ANKMY1: variants seen among roughly 807,000 people sequenced by gnomAD.
ANKMY1 encodes ankyrin repeat and MYND domain-containing protein 1.
ANKMY1 carries 98 observed loss-of-function variants against 102.0 expected under a neutral mutation model. That is an observed-to-expected ratio of 0.96 (90% CI 0.82 to 1.14). The LOEUF is 1.14. Among genes scored for constraint, ANKMY1 ranks in the 50% most tolerant of loss-of-function variants. ANKMY1 has a pLI of 0.00. For missense variants in ANKMY1, 1,330 were observed against 1,347.6 expected, an observed-to-expected ratio of 0.99 and a Z score of 0.20; for synonymous variants, 582 against 559.9, an observed-to-expected ratio of 1.04 and a Z score of -0.56.
chr2:240,524,740 T>C (rs2083010744), intron 7 of ANKMY1, among the ~76,000 whole-genome samples: 2 of 152,258 alleles, frequency 1.3e-5, no homozygotes, highest in Admixed American at 1.3e-4. Flanking sequence ...ACCAAAATGA[T>C]AGGATTTTTA....
chr2:240,480,392 G>A (rs994827598), intron 17 of ANKMY1, among the ~76,000 whole-genome samples: 1 of 152,244 alleles, frequency 6.6e-6, no homozygotes, highest in Non-Finnish European at 1.5e-5. Context: ...CCACCCTTGC[G>A]GCACCGGGCC....
chr2:240,520,491 C>G lies in ANKMY1; in HGVS notation c.1875G>C (p.Arg625=). ...CGCAGCACAGGTTGGGGTCCGCGCC[C>G]CGGCGCAGCAGCAGCTTGATGGTCC... is the stretch of plus-strand genomic sequence containing the variant. The part of the protein sequence containing the change: ...RWRTIKLLLR[R]GADPNLCCVP... Residue 625 remains arginine (R), a synonymous_variant, in exon 9 of 18, where the codon CGG becomes CGC. Coordinates refer to ENST00000401804, the MANE Select transcript of ANKMY1 (RefSeq NM_001282771.3). This position sits in a 1 kb window ranked among gnomAD's most constrained non-coding sequence, Gnocchi z 4.8. The G allele has an allele frequency of 6.2e-7, 1 of 1,613,294 alleles. No individual in the cohort carries two copies. Among genetic ancestry groups the G allele is most frequent in the Non-Finnish European group, 8.5e-7 (1 of 1,179,720 alleles).
Position 240,507,794 on chromosome 2 carries a change from A to AG in ANKMY1, c.2395-104dup, listed in dbSNP as rs547454133. On this transcript the variant is annotated intron_variant, in intron 12 of 17. Coordinates refer to ENST00000401804, the MANE Select transcript of ANKMY1 (RefSeq NM_001282771.3). ...CACTCCAGAACTAACCCCTGAAAGC[A>AG]GGGGCTTCACGGAGGCCACCGCTGG... 1.2e-4 allele frequency: 167 copies of AG among 1,394,424 alleles called. No individual in the cohort carries two copies. In the African/African-American group the frequency reaches 2.3e-3, roughly 19 times the overall value. The allele number at this position is 1,394,424 out of a possible 1,614,324, so 86.4% of individuals were successfully genotyped here.
At chr2:240,530,479 TC>T (rs2085074727) in intron 4 of ANKMY1, among the ~76,000 whole-genome samples, 1 of 152,130 alleles carries the variant, frequency 6.6e-6, no homozygotes, top group Non-Finnish European at 1.5e-5. Flanking sequence ...TTGCTCCTGC[TC>T]CCACCACATG....
chr2:240,490,855 T>C (rs956448441), intron 15 of ANKMY1, among the ~76,000 whole-genome samples: 3 of 152,196 alleles, frequency 2.0e-5, no homozygotes, highest in Non-Finnish European at 2.9e-5. Context: ...TTTGGTCTGA[T>C]GTCCTGTTTC....
chr2:240,508,206 C>T (rs1345848913), intron 12 of ANKMY1, among the ~76,000 whole-genome samples: 2 of 152,258 alleles, frequency 1.3e-5, no homozygotes, highest in African/African-American at 4.8e-5. Flanking sequence ...TCAGATTCCA[C>T]CCAGGAAGAA....
chr2:240,482,977 C>T (rs939025522), intron 15 of ANKMY1, among the ~76,000 whole-genome samples: 3 of 152,182 alleles, frequency 2.0e-5, no homozygotes, highest in Admixed American at 1.3e-4. Context: ...TGATTAGGTG[C>T]ATATGGGTTT....
At chr2:240,535,011 T>C (rs57491973) in intron 4 of ANKMY1, among the ~76,000 whole-genome samples, 18,587 of 152,200 alleles carry the variant, frequency 0.12, 1,226 homozygotes, top group Middle Eastern at 0.17. Context: ...AGGCAAAGGA[T>C]TGCTTGAGCC....
At chr2:240,505,234 G>C (rs1485037848) in intron 13 of ANKMY1, among the ~76,000 whole-genome samples, 1 of 151,976 alleles carries the variant, frequency 6.6e-6, no homozygotes, top group East Asian at 1.9e-4. Flanking sequence ...GGCTGAGGCG[G>C]GCGGATCACC....
At position 240,525,823 on chromosome 2, in the gene ANKMY1, G is replaced by A. The variant is rs770743122; in HGVS notation, c.1197C>T (p.Asn399=). ...CGTCGGCCCCACAGTCCAGGAGAAGGTTGACAATGTCGTTGTGGCAGTGAG... is the reference window on the plus strand; with the variant it reads ...CGTCGGCCCCACAGTCCAGGAGAAGATTGACAATGTCGTTGTGGCAGTGAG... ...AATHCHNDIV[N]LLLDCGADVN... is the part of the protein sequence containing the mutation. Residue 399 remains asparagine (N), a synonymous_variant, in exon 7 of 18, where the codon AAC becomes AAT. Coordinates refer to ENST00000401804, the MANE Select transcript of ANKMY1 (RefSeq NM_001282771.3). The A allele has an allele frequency of 6.2e-6, 10 of 1,614,106 alleles. No homozygotes were observed. In the South Asian group the frequency reaches 1.1e-4, roughly 18 times the overall value.
chr2:240,527,111 G>A, intron 5 of ANKMY1: 1 of 610,204 alleles, frequency 1.6e-6, no homozygotes, highest in Non-Finnish European at 2.0e-6. Context: ...TGGATGGGTG[G>A]GTGGGAAGAT....
At chr2:240,468,795 G>A in the ANKMY1 span, among the ~76,000 whole-genome samples, 3 of 152,180 alleles carry the variant, frequency 2.0e-5, no homozygotes, top group Non-Finnish European at 4.4e-5. Context: ...CAGAGGGGTG[G>A]GTGGGCACCC....
At chr2:240,523,383 T>A in intron 8 of ANKMY1, 2 of 163,588 alleles carry the variant, frequency 1.2e-5, no homozygotes, top group Admixed American at 5.7e-5. Flanking sequence ...TAACAGAGTC[T>A]CAGGGTTATC....
intron 7 of ANKMY1, among the ~76,000 whole-genome samples, chr2:240,525,431 A>C (rs1225597781): frequency 6.6e-6 from 1 of 152,180 alleles, no homozygotes; most frequent in Non-Finnish European, 1.5e-5. Flanking sequence ...CCTTTCCTGC[A>C]CAGTGCTGGC....
chr2:240,526,021 C>T (rs1414113813), intron 6 of ANKMY1, 172 bp from the exon 7 acceptor site: 3 of 1,001,246 alleles, frequency 3.0e-6, no homozygotes, highest in African/African-American at 3.2e-5. Flanking sequence ...GGAACAGGCA[C>T]TCTGCCCCAA....
intron 4 of ANKMY1, among the ~76,000 whole-genome samples, chr2:240,551,601 A>C (rs2091536008): frequency 6.6e-6 from 1 of 152,176 alleles, no homozygotes; most frequent in African/African-American, 2.4e-5. Flanking sequence ...TTTGTCTTTG[A>C]TGCAAGTGGG....
intron 13 of ANKMY1, among the ~76,000 whole-genome samples, chr2:240,505,433 G>C (rs2078911758): frequency 6.6e-6 from 1 of 151,652 alleles, no homozygotes; most frequent in Admixed American, 6.6e-5. Flanking sequence ...CTGCACTCCA[G>C]CCTGGGTAAC....
At chr2:240,553,156 G>C (rs2091825349) in intron 3 of ANKMY1, 99 bp from the exon 4 acceptor site, 2 of 1,397,666 alleles carry the variant, frequency 1.4e-6, no homozygotes, top group African/African-American at 2.9e-5. Context: ...AATGAATGGG[G>C]ACCACCCAGG....
At chr2:240,523,677 G>T (rs1359451058) in intron 8 of ANKMY1, 2 of 790,134 alleles carry the variant, frequency 2.5e-6, no homozygotes, top group South Asian at 1.9e-5. Flanking sequence ...CAGGGCTGGG[G>T]TGGCACTGAA....
Sources: gnomAD v4.1 joint callset for allele counts (sites outside exome capture counted in the v4.1 genomes callset) on GRCh38, gnomAD v4.1.1 for gene constraint, Gnocchi (gnomAD v3.1) non-coding constraint, MANE v1.5 for transcripts, NCBI Gene and HGNC (gene_info 2026-07-23, HGNC 2026-07-21) for gene names.